Variants in GPC5 observed in about 807,000 individuals in gnomAD.
GPC5 encodes the protein glypican 5.
In GPC5, 47 loss-of-function variants were observed where a neutral mutation model predicts 53.9. The ratio of observed to expected loss-of-function variants is 0.87; its 90% CI spans 0.69 to 1.11. The LOEUF (loss-of-function observed/expected upper bound fraction) is 1.11. Ranked by LOEUF, GPC5 falls within the 50% of genes most tolerant of loss-of-function variation. The pLI, the probability that GPC5 is intolerant of heterozygous loss-of-function variation, is 0.00. For synonymous variants in GPC5, 286 were observed against 263.3 expected, an observed-to-expected ratio of 1.09 and a Z score of -0.84; for missense variants, 748 against 713.1, an observed-to-expected ratio of 1.05 and a Z score of -0.56.
chr13:92,655,555 G>T (rs545917431), intron 7 of GPC5, among the ~76,000 whole-genome samples: 1 of 152,008 alleles, frequency 6.6e-6, no homozygotes, highest in Non-Finnish European at 1.5e-5. Context: ...GGATGGTTTC[G>T]AACTCCTGAC....
At chr13:91,424,549 T>C (rs1337030605) in intron 1 of GPC5, among the ~76,000 whole-genome samples, 2 of 152,020 alleles carry the variant, frequency 1.3e-5, no homozygotes, top group Non-Finnish European at 2.9e-5. Context: ...TATTTTTAAG[T>C]AGAGACGGGG....
intron 7 of GPC5, among the ~76,000 whole-genome samples, chr13:92,388,279 ATAAG>A (rs1304705050): frequency 5.3e-5 from 8 of 152,092 alleles, no homozygotes; most frequent in Non-Finnish European, 1.2e-4. Flanking sequence ...TAATTCATAT[ATAAG>A]AGTGGAAATG....
intron 5 of GPC5, among the ~76,000 whole-genome samples, chr13:91,890,696 A>G (rs2039375609): frequency 6.6e-6 from 1 of 152,236 alleles, no homozygotes; most frequent in Admixed American, 6.5e-5. Context: ...TAACAGATAC[A>G]AAGTTTTAAA....
At position 91,958,897 on chromosome 13, in the gene GPC5, G is replaced by A. The variant is rs543361532; in HGVS notation, c.1401+50840G>A. On this transcript the variant is annotated intron_variant, in intron 6 of 7. Coordinates refer to ENST00000377067, the MANE Select transcript of GPC5 (RefSeq NM_004466.6). Reference sequence around the variant, plus strand: ...CAAAAACTGTGCTAAGAGGGAAGCTGATAGTAATCCACACCTACATCAGAA... The same window carrying A: ...CAAAAACTGTGCTAAGAGGGAAGCTAATAGTAATCCACACCTACATCAGAA... 2.6e-5 allele frequency among the ~76,000 whole-genome samples: 4 copies of A among 152,058 alleles called. No individual in the cohort carries two copies. The East Asian group carries it at 7.7e-4, about 29-fold the overall frequency.
intron 1 of GPC5, among the ~76,000 whole-genome samples, chr13:91,427,320 A>C (rs938680961): frequency 3.3e-5 from 5 of 152,156 alleles, no homozygotes; most frequent in Admixed American, 2.6e-4. Flanking sequence ...GGGGTGTTGC[A>C]CCCTGTGAAG....
intron 6 of GPC5, among the ~76,000 whole-genome samples, chr13:92,057,077 A>C (rs1454431192): frequency 1.3e-5 from 2 of 152,162 alleles, no homozygotes; most frequent in Non-Finnish European, 2.9e-5. Flanking sequence ...GACTGGCTTT[A>C]TGACTGGCTT....
At chr13:92,147,922 G>A (rs2041880323) in intron 7 of GPC5, among the ~76,000 whole-genome samples, 1 of 152,032 alleles carries the variant, frequency 6.6e-6, no homozygotes. Context: ...GGCCCAGTTT[G>A]AATATATTGG....
intron 7 of GPC5, among the ~76,000 whole-genome samples, chr13:92,419,034 G>T (rs1356845466): frequency 1.3e-5 from 2 of 152,188 alleles, no homozygotes; most frequent in Admixed American, 6.5e-5. Flanking sequence ...TATAAGATGT[G>T]CAAGGGACGA....
intron 5 of GPC5, among the ~76,000 whole-genome samples, chr13:91,803,981 A>G (rs972922298): frequency 2.4e-4 from 36 of 152,304 alleles, no homozygotes; most frequent in African/African-American, 8.4e-4. Flanking sequence ...ACAGAGACAG[A>G]AAATGCAGAG....
chr13:92,743,939 C>T (rs1889175541), intron 7 of GPC5, among the ~76,000 whole-genome samples: 1 of 152,040 alleles, frequency 6.6e-6, no homozygotes, highest in East Asian at 1.9e-4. Context: ...AAGGAGAGAG[C>T]TTTAAACAGA....
chr13:92,324,032 C>T (rs1042811763), intron 7 of GPC5, among the ~76,000 whole-genome samples: 2 of 151,838 alleles, frequency 1.3e-5, no homozygotes, highest in African/African-American at 4.8e-5. Context: ...TAACATCCTC[C>T]TTTCTCAAGA....
chr13:92,480,304 A>G (rs1376894060), intron 7 of GPC5, among the ~76,000 whole-genome samples: 2 of 152,186 alleles, frequency 1.3e-5, no homozygotes, highest in Non-Finnish European at 2.9e-5. Flanking sequence ...TGCCTTGTTT[A>G]CACAGCTCAC....
intron 3 of GPC5, among the ~76,000 whole-genome samples, chr13:91,703,868 G>C (rs2036043451): frequency 6.6e-6 from 1 of 152,078 alleles, no homozygotes; most frequent in South Asian, 2.1e-4. Context: ...TCATGATTCA[G>C]TCTTGGTAGT....
chr13:91,603,527 G>A (rs1008661248), intron 2 of GPC5, among the ~76,000 whole-genome samples: 3 of 152,238 alleles, frequency 2.0e-5, no homozygotes, highest in African/African-American at 2.4e-5. Flanking sequence ...TATGTCCACA[G>A]GGATATCTTT....
At chr13:91,907,521 A>ATATG (rs1294215134) in intron 5 of GPC5, among the ~76,000 whole-genome samples, 2 of 145,228 alleles carry the variant, frequency 1.4e-5, no homozygotes, top group Admixed American at 7.0e-5. Flanking sequence ...ATATATATAT[A>ATATG]TATAGTATAT....
At chr13:91,784,447 G>A (rs537930946) in intron 5 of GPC5, among the ~76,000 whole-genome samples, 39 of 152,114 alleles carry the variant, frequency 2.6e-4, no homozygotes, top group African/African-American at 9.2e-4. Context: ...ATTTGAGGCC[G>A]GGCGCAGTGG....
At chr13:92,513,039 C>A (rs955841232) in intron 7 of GPC5, among the ~76,000 whole-genome samples, 2 of 152,188 alleles carry the variant, frequency 1.3e-5, no homozygotes, top group East Asian at 3.8e-4. Context: ...GATGCTCAGC[C>A]GAGCAGCAGG....
At chr13:91,593,638 C>T (rs2032886190) in intron 2 of GPC5, among the ~76,000 whole-genome samples, 1 of 152,120 alleles carries the variant, frequency 6.6e-6, no homozygotes, top group South Asian at 2.1e-4. Context: ...CACTGACTTA[C>T]AGATGTTGCT....
intron 7 of GPC5, among the ~76,000 whole-genome samples, chr13:92,547,666 C>A (rs972880921): frequency 2.0e-4 from 31 of 152,160 alleles, no homozygotes; most frequent in African/African-American, 6.0e-4. Flanking sequence ...AGCCATATAG[C>A]AATTTAGCAT....
Sources: allele counts gnomAD v4.1 joint callset (sites outside exome capture counted in the v4.1 genomes callset), GRCh38; gene constraint gnomAD v4.1.1; transcripts MANE v1.5; gene names NCBI Gene and HGNC (gene_info 2026-07-23, HGNC 2026-07-21).